FHIT: variants seen among roughly 807,000 people sequenced by gnomAD.
FHIT encodes the protein fragile histidine triad diadenosine triphosphatase.
FHIT carries 19 observed loss-of-function variants against 17.9 expected under a neutral mutation model. That is an observed-to-expected ratio of 1.06 (90% CI 0.74 to 1.56). FHIT has a LOEUF of 1.56. FHIT is among the 40% of genes most tolerant of loss of function. The pLI is 0.00. For missense variants in FHIT, 248 were observed against 189.2 expected (o/e 1.31, Z -1.82); for synonymous variants, 81 against 69.7 (o/e 1.16, Z -0.81).
chr3:60,213,753 T>C (rs528550380), intron 5 of FHIT, among the ~76,000 whole-genome samples: 2 of 152,336 alleles, frequency 1.3e-5, no homozygotes, highest in African/African-American at 2.4e-5. Flanking sequence ...AGATTGCAAA[T>C]ACATTCCTTC....
At chr3:60,180,561 A>T (rs917691015) in intron 5 of FHIT, among the ~76,000 whole-genome samples, 3 of 152,188 alleles carry the variant, frequency 2.0e-5, no homozygotes, top group South Asian at 2.1e-4. Context: ...TGTTTCTAAC[A>T]GCTTCATTTT....
At chr3:60,442,491 G>C (rs1056830053) in intron 5 of FHIT, among the ~76,000 whole-genome samples, 1 of 152,114 alleles carries the variant, frequency 6.6e-6, no homozygotes, top group African/African-American at 2.4e-5. Flanking sequence ...TTCTACATAT[G>C]GCTAGCCAGT....
At chr3:60,145,658 C>G (rs567896852) in intron 5 of FHIT, among the ~76,000 whole-genome samples, 1 of 152,178 alleles carries the variant, frequency 6.6e-6, no homozygotes, top group Non-Finnish European at 1.5e-5. Context: ...TCCTAGCTGA[C>G]ATACCAGTTT....
chr3:59,904,377 A>C (rs572416509), intron 8 of FHIT, among the ~76,000 whole-genome samples: 1 of 151,966 alleles, frequency 6.6e-6, no homozygotes, highest in East Asian at 1.9e-4. Flanking sequence ...ATAGGAGATG[A>C]TTTTCATGCA....
chr3:61,127,157 G>C (rs961861642), intron 2 of FHIT, among the ~76,000 whole-genome samples: 1 of 152,138 alleles, frequency 6.6e-6, no homozygotes, highest in Non-Finnish European at 1.5e-5. Context: ...TCGGTACTGA[G>C]AATCAACCAA....
At chr3:60,890,713 G>T (rs1349659296) in intron 3 of FHIT, among the ~76,000 whole-genome samples, 2 of 152,178 alleles carry the variant, frequency 1.3e-5, no homozygotes, top group African/African-American at 2.4e-5. Context: ...AAAATGAACT[G>T]CTCTAGTTTT....
At chr3:60,706,528 C>G (rs1049047152) in intron 4 of FHIT, among the ~76,000 whole-genome samples, 4 of 152,176 alleles carry the variant, frequency 2.6e-5, no homozygotes, top group Non-Finnish European at 4.4e-5. Context: ...AGAATGAACA[C>G]TTAATTTATT....
intron 2 of FHIT, among the ~76,000 whole-genome samples, chr3:61,071,074 T>C (rs2034789154): frequency 6.6e-6 from 1 of 152,196 alleles, no homozygotes; most frequent in Admixed American, 6.5e-5. Context: ...CTCAATATCT[T>C]ATATGGGGTT....
At chr3:60,421,508 C>T (rs1215802550) in intron 5 of FHIT, among the ~76,000 whole-genome samples, 18 of 152,020 alleles carry the variant, frequency 1.2e-4, no homozygotes, top group Admixed American at 1.2e-3. Flanking sequence ...CATTAAATTT[C>T]ATCCATGAAC....
At chr3:60,582,257 A>T (rs2037771052) in intron 4 of FHIT, among the ~76,000 whole-genome samples, 1 of 152,008 alleles carries the variant, frequency 6.6e-6, no homozygotes, top group South Asian at 2.1e-4. Flanking sequence ...ATATAGGCAT[A>T]CCTGTCCCAT....
intron 4 of FHIT, among the ~76,000 whole-genome samples, chr3:60,726,452 A>T (rs2041918007): frequency 6.6e-6 from 1 of 152,188 alleles, no homozygotes; most frequent in Admixed American, 6.5e-5. Flanking sequence ...AACTTTGAAA[A>T]GACTAAAACT....
At chr3:60,234,057 T>C (rs1010073162) in intron 5 of FHIT, among the ~76,000 whole-genome samples, 2 of 152,176 alleles carry the variant, frequency 1.3e-5, no homozygotes, top group African/African-American at 4.8e-5. Context: ...CTAGAATACA[T>C]GCTCTGAGAT....
chr3:60,043,379 A>G (rs1701522015), intron 5 of FHIT, among the ~76,000 whole-genome samples: 1 of 152,180 alleles, frequency 6.6e-6, no homozygotes, highest in Admixed American at 6.6e-5. Context: ...TTTTCTACGA[A>G]CTGTACTTTT....
intron 5 of FHIT, among the ~76,000 whole-genome samples, chr3:60,481,422 A>C (rs1396824531): frequency 6.6e-6 from 1 of 152,200 alleles, no homozygotes; most frequent in African/African-American, 2.4e-5. Flanking sequence ...GGGCAGCCAG[A>C]GAGAAAGGCC....
intron 4 of FHIT, among the ~76,000 whole-genome samples, chr3:60,565,454 T>G (rs2037099886): frequency 6.6e-6 from 1 of 152,194 alleles, no homozygotes; most frequent in Admixed American, 6.5e-5. Flanking sequence ...CTATAACACC[T>G]AGTTCCCACT....
At chr3:60,668,687 A>G (rs2040440046) in intron 4 of FHIT, among the ~76,000 whole-genome samples, 1 of 149,028 alleles carries the variant, frequency 6.7e-6, no homozygotes, top group African/African-American at 2.5e-5. Context: ...TCAGCCTCCC[A>G]AGTAGCTGGG....
chr3:60,052,598 C>T (rs1020556912), intron 5 of FHIT, among the ~76,000 whole-genome samples: 4 of 151,922 alleles, frequency 2.6e-5, no homozygotes, highest in African/African-American at 9.7e-5. Context: ...AGTGCTCCTG[C>T]CTTTTCCTGG....
chr3:60,270,519 G>A (rs1352210955), intron 5 of FHIT, among the ~76,000 whole-genome samples: 1 of 152,180 alleles, frequency 6.6e-6, no homozygotes, highest in African/African-American at 2.4e-5. Context: ...CATAAAAGAT[G>A]TTCAAGTATA....
intron 5 of FHIT, among the ~76,000 whole-genome samples, chr3:60,071,956 A>T (rs965849082): frequency 2.6e-5 from 4 of 152,144 alleles, no homozygotes; most frequent in Non-Finnish European, 2.9e-5. Flanking sequence ...TTTGCCTTCC[A>T]CCATGATTAT....
Sources: allele counts gnomAD v4.1 joint callset (sites outside exome capture counted in the v4.1 genomes callset), GRCh38; gene constraint gnomAD v4.1.1; transcripts MANE v1.5; gene names NCBI Gene and HGNC (gene_info 2026-07-23, HGNC 2026-07-21).